The following TMEM237 variants were observed in gnomAD, a reference collection of about 807,000 sequenced individuals.
TMEM237 encodes amyotrophic lateral sclerosis 2 (juvenile) chromosome region, candidate 4.
A neutral mutation model predicts 59.1 loss-of-function variants in TMEM237; 51 were observed. That is an observed-to-expected ratio of 0.86 (90% CI 0.69 to 1.09). TMEM237 has a LOEUF of 1.09. TMEM237 is among the 50% of genes least tolerant of loss of function. The probability of loss-of-function intolerance (pLI) is 0.00; values close to 1 mark genes in which losing one functional copy is unlikely to be tolerated. For synonymous variants in TMEM237, 140 were observed against 166.1 expected (o/e 0.84, Z 1.21); for missense variants, 475 against 478.3 (o/e 0.99, Z 0.06).
Position 201,629,710 on chromosome 2 carries a change from G to T in TMEM237, c.677+19C>A, listed in dbSNP as rs756941590. On this transcript the variant is annotated intron_variant, in intron 8 of 12. Transcript: ENST00000409883. ...TCAGTTAACATTTATTTTAAGAAAA[G>T]TCCAACAAAAGCAGCCACCTGAAAG... 3 of 1,585,318 alleles carry T rather than the reference G, an allele frequency of 1.9e-6. No individual in the cohort carries two copies. Among genetic ancestry groups the T allele is most frequent in the Non-Finnish European group, 2.6e-6 (3 of 1,173,022 alleles).
At chr2:201,640,361 T>C (rs1370600730) in intron 2 of TMEM237, 96 bp from the exon 3 acceptor site, 45 of 1,216,930 alleles carry the variant, frequency 3.7e-5, no homozygotes, top group Middle Eastern at 2.0e-4. Flanking sequence ...ACAGTGAAAA[T>C]TGACTTAAAT....
At position 201,629,394 on chromosome 2, in the gene TMEM237, G is replaced by A; in HGVS notation, c.705C>T (p.Phe235=). 2 of 1,579,792 alleles carry A rather than the reference G, an allele frequency of 1.3e-6. No homozygotes were observed. Among genetic ancestry groups the A allele is most frequent in the Non-Finnish European group, 1.7e-6 (2 of 1,169,514 alleles). The change falls in exon 9 of 13, where the codon TTC becomes TTT. Residue 235 remains phenylalanine (F), a synonymous_variant. Transcript: ENST00000409883. The stretch of plus-strand genomic sequence containing the variant: ...TATTCCACACAGCACAGCCAGCCAA[G>A]AATCCATGAGAAAAGAGACCAATCA... ...FRMIGLFSHG[F]LAGCAVWNIV... is the part of the protein sequence containing the mutation.
Position 201,627,419 on chromosome 2 carries a change from G to T in TMEM237, c.944-5C>A, listed in dbSNP as rs1186077030. ...GTATAAGAGCAGTAAAGTACACTGA[G>T]AAAAAGACAAATGAAATTACTAATA... is the stretch of plus-strand genomic sequence containing the variant. On this transcript the variant is annotated splice_region_variant and splice_polypyrimidine_tract_variant and intron_variant, in intron 10 of 12. Coordinates refer to ENST00000409883, the MANE Select transcript of TMEM237 (RefSeq NM_001044385.3). 5.1e-6 allele frequency: 8 copies of T among 1,554,272 alleles called. No individual in the cohort carries two copies. Among genetic ancestry groups the T allele is most frequent in the Non-Finnish European group, 6.1e-6 (7 of 1,144,738 alleles).
chr2:201,628,310 A>T (rs1379605446), intron 9 of TMEM237, among the ~76,000 whole-genome samples, 161 bp from the exon 10 acceptor site: 4 of 152,216 alleles, frequency 2.6e-5, no homozygotes, highest in Non-Finnish European at 5.9e-5. Context: ...TGACAAAATT[A>T]TCTAATTTAC....
At chr2:201,629,178 C>T in intron 9 of TMEM237, 52 bp downstream of exon 9, 1 of 1,351,922 alleles carries the variant, frequency 7.4e-7, no homozygotes, top group South Asian at 2.0e-5. Flanking sequence ...ACACATTTTG[C>T]TCAGCATTTC....
intron 12 of TMEM237, 50 bp from the exon 13 acceptor site, chr2:201,624,372 C>G: frequency 7.0e-7 from 1 of 1,423,926 alleles, no homozygotes; most frequent in East Asian, 2.3e-5. Context: ...CCCAGTACCT[C>G]CAACAGAGTT....
In TMEM237 at chr2:201,643,280, C is replaced by CCA; in HGVS notation, c.42+77_42+78dup. 3 of 1,334,866 alleles carry CCA rather than the reference C, an allele frequency of 2.2e-6. No homozygotes were observed. In the Admixed American group the frequency reaches 6.1e-5, roughly 27 times the overall value. 82.7% of individuals were successfully genotyped at this position (1,334,866 alleles called of 1,614,324 possible). ...TGATTCCCAGCTCGTTGGCGCCCCC[C>CCA]CACACACACCCACCCCCACTGCCAA... On this transcript the variant is annotated intron_variant, in intron 1 of 12. Coordinates refer to ENST00000409883, the MANE Select transcript of TMEM237 (RefSeq NM_001044385.3). The surrounding 1 kb of genome is among the most constrained non-coding windows in gnomAD (Gnocchi z 4.3).
Position 201,623,198 on chromosome 2 carries a change from C to T in TMEM237, c.*1057G>A. On this transcript the variant is annotated 3_prime_UTR_variant, in exon 13 of 13. Transcript: ENST00000409883. ...TCTTCTGTTCTATAACATTCAGGTGCTTGCTAATCAGGGCAGGCTCAATAG... is the reference window on the plus strand; with the variant it reads ...TCTTCTGTTCTATAACATTCAGGTGTTTGCTAATCAGGGCAGGCTCAATAG... 1 of 409,740 alleles carries T rather than the reference C, an allele frequency of 2.4e-6. No individual in the cohort carries two copies. The allele number at this position is 409,740 out of a possible 1,614,324, so 25.4% of individuals were successfully genotyped here.
rs1957684599 is a variant in TMEM237, at chr2:201,620,268, T to C, written c.*3987A>G. The C allele has an allele frequency of 6.6e-6, 1 of 152,274 alleles. No individual in the cohort carries two copies. Among genetic ancestry groups the C allele is most frequent in the Admixed American group, 6.5e-5 (1 of 15,292 alleles). The allele number at this position is 152,274 out of a possible 1,614,324, so 9.4% of individuals were successfully genotyped here. A position where few individuals can be genotyped will look rare whatever the true frequency, so the allele number is the denominator to read the frequency against. On this transcript the variant is annotated 3_prime_UTR_variant, in exon 13 of 13. Coordinates refer to ENST00000409883, the MANE Select transcript of TMEM237 (RefSeq NM_001044385.3). ...CAAAGGTCTGCAAAATGTACTCTCC[T>C]AGCTCAGGATCATTATTTATTCCTC... is the stretch of plus-strand genomic sequence containing the variant.
At chr2:201,639,310 T>C in intron 3 of TMEM237, among the ~76,000 whole-genome samples, 1 of 152,218 alleles carries the variant, frequency 6.6e-6, no homozygotes, top group East Asian at 1.9e-4. Context: ...ATCCCCTATA[T>C]TTCCCAGCCT....
intron 11 of TMEM237, 30 bp from the exon 12 acceptor site, chr2:201,626,177 G>A (rs1161405342): frequency 6.2e-7 from 1 of 1,603,740 alleles, no homozygotes; most frequent in Non-Finnish European, 8.5e-7. Flanking sequence ...CATTAGAAGT[G>A]CCTTCAGTTT....
intron 10 of TMEM237, among the ~76,000 whole-genome samples, chr2:201,627,660 C>T (rs1244249573): frequency 6.6e-6 from 1 of 152,072 alleles, no homozygotes; most frequent in Non-Finnish European, 1.5e-5. Context: ...CCTAGAACAT[C>T]TTTTTAAAAG....
At position 201,640,911 on chromosome 2, in the gene TMEM237, G is replaced by C. The variant is rs1687399359; in HGVS notation, c.56C>G (p.Ala19Gly). Residue 19 changes from alanine (A) to glycine (G), a missense_variant, in exon 2 of 13, where the codon GCT becomes GGT. Physicochemically the swap from Ala to Gly is moderately conservative, Grantham distance 60 (BLOSUM62 0). Coordinates refer to ENST00000409883, the MANE Select transcript of TMEM237 (RefSeq NM_001044385.3). ...TTTTTACCTTGGCACAGGTGGAAGA[G>C]CTCGTGGAGGACGCTGTGGCGGAAA... ...LEEGHLRPPRALPPVPSQDDI... is the reference protein window; with the variant it reads ...LEEGHLRPPRGLPPVPSQDDI... The C allele has an allele frequency of 6.2e-7, 1 of 1,602,318 alleles. No individual in the cohort carries two copies. Among genetic ancestry groups the C allele is most frequent in the African/African-American group, 1.3e-5 (1 of 74,890 alleles).
chr2:201,642,478 T>C, intron 1 of TMEM237: 1 of 1,031,744 alleles, frequency 9.7e-7, no homozygotes, highest in Middle Eastern at 2.1e-4. Flanking sequence ...TCTGTTCACG[T>C]AACTGATTTC....
At chr2:201,629,511 A>G (rs1957789896) in intron 8 of TMEM237, 90 bp from the exon 9 acceptor site, 3 of 1,380,444 alleles carry the variant, frequency 2.2e-6, no homozygotes, top group Non-Finnish European at 2.9e-6. Flanking sequence ...CAAGAATAAA[A>G]TTCAACATTT....
rs190017616 is a variant in TMEM237, at chr2:201,640,777, T to C, written c.74+116A>G. ...TAAAATTTCAGAAAATCCCTAAATT[T>C]TTCAGAAGAGTTTCCTGAATCATTG... On this transcript the variant is annotated intron_variant, in intron 2 of 12. Transcript: ENST00000409883. 4.1e-4 allele frequency: 354 copies of C among 871,934 alleles called. No homozygotes were observed. The African/African-American group carries it at 5.5e-3, about 14-fold the overall frequency. 54.0% of individuals were successfully genotyped at this position (871,934 alleles called of 1,614,324 possible).
chr2:201,642,721 C>T, intron 1 of TMEM237: 2 of 1,534,438 alleles, frequency 1.3e-6, no homozygotes, highest in Non-Finnish European at 1.8e-6. Context: ...AATGCGTCAT[C>T]GGGCCGCGCC....
At chr2:201,638,937 C>T in intron 4 of TMEM237, 52 bp downstream of exon 4, 2 of 1,518,784 alleles carry the variant, frequency 1.3e-6, no homozygotes, top group Non-Finnish European at 1.8e-6. Flanking sequence ...TTTACTACGC[C>T]TGAGGTCCTG....
At chr2:201,640,623 A>T (rs551410396) in intron 2 of TMEM237, among the ~76,000 whole-genome samples, 14 of 146,982 alleles carry the variant, frequency 9.5e-5, no homozygotes, top group African/African-American at 2.2e-4. Flanking sequence ...ATTCTGATTT[A>T]AAAAAAAAAA....
Sources: allele counts gnomAD v4.1 joint callset (sites outside exome capture counted in the v4.1 genomes callset), GRCh38; gene constraint gnomAD v4.1.1; non-coding constraint Gnocchi (gnomAD v3.1); transcripts MANE v1.5; gene names NCBI Gene and HGNC (gene_info 2026-07-23, HGNC 2026-07-21).